The following TAFA5 variants were observed in gnomAD, a reference collection of about 807,000 sequenced individuals.
TAFA5 encodes the protein chemokine-like protein TAFA-5.
A neutral mutation model predicts 15.3 loss-of-function variants in TAFA5; 6 were observed. The ratio of observed to expected loss-of-function variants is 0.39; its 90% CI spans 0.21 to 0.77. TAFA5 has a LOEUF of 0.77. Among genes scored for constraint, TAFA5 ranks in the 30% least tolerant of loss-of-function variants. The probability of loss-of-function intolerance (pLI) is 0.41; values close to 1 mark genes in which losing one functional copy is unlikely to be tolerated. For synonymous variants in TAFA5, 103 were observed against 80.7 expected (o/e 1.28, Z -1.48); for missense variants, 161 against 193.1 (o/e 0.83, Z 0.98).
chr22:48,715,061 C>T (rs1929361899), intron 3 of TAFA5, among the ~76,000 whole-genome samples: 1 of 152,224 alleles, frequency 6.6e-6, no homozygotes, highest in South Asian at 2.1e-4. Context: ...AGATCTTTCA[C>T]TAATCATGCC....
chr22:48,613,916 G>C (rs1377981420), intron 1 of TAFA5, among the ~76,000 whole-genome samples: 7 of 152,226 alleles, frequency 4.6e-5, no homozygotes, highest in South Asian at 2.1e-4. Flanking sequence ...GTGCAGTCTG[G>C]AGATTGGCCG....
chr22:48,655,696 C>T (rs1057046468), intron 2 of TAFA5, among the ~76,000 whole-genome samples: 7 of 152,236 alleles, frequency 4.6e-5, no homozygotes, highest in East Asian at 1.9e-4. Context: ...TTTAGAAATA[C>T]GTGAATGTTC....
At chr22:48,729,860 A>ACAAAGACTT (rs1601703176) in intron 3 of TAFA5, among the ~76,000 whole-genome samples, 1 of 152,006 alleles carries the variant, frequency 6.6e-6, no homozygotes, top group East Asian at 1.9e-4. Flanking sequence ...ATCTCCTTCC[A>ACAAAGACTT]CAAAGACTTT....
chr22:48,619,059 G>C (rs1015475331), intron 1 of TAFA5, among the ~76,000 whole-genome samples: 4 of 152,230 alleles, frequency 2.6e-5, no homozygotes, highest in Non-Finnish European at 5.9e-5. Context: ...CACGTCAGCT[G>C]TTCGGCTTTC....
intron 2 of TAFA5, among the ~76,000 whole-genome samples, chr22:48,659,696 G>A (rs911988676): frequency 6.6e-6 from 1 of 152,242 alleles, no homozygotes; most frequent in African/African-American, 2.4e-5. Flanking sequence ...TGTGCTGGGG[G>A]TGGCAGCAGG....
chr22:48,592,358 CCT>C (rs1208958728), intron 1 of TAFA5, among the ~76,000 whole-genome samples: 1 of 152,208 alleles, frequency 6.6e-6, no homozygotes, highest in Non-Finnish European at 1.5e-5. Context: ...TTCCCCATGC[CCT>C]GTCTGCTGCC....
In TAFA5 at chr22:48,519,312, C is replaced by A. The variant is rs1292065784; in HGVS notation, c.112+29608C>A. ...GAATCCCGCGTCTTCCCTTTGAGGA[C>A]CTTTCACTTTTAATAACTCTGGAGC... On this transcript the variant is annotated intron_variant, in intron 1 of 3. Coordinates refer to ENST00000402357, the MANE Select transcript of TAFA5 (RefSeq NM_001082967.3). Among the ~76,000 whole-genome samples the A allele has an allele frequency of 3.3e-5, 5 of 152,336 alleles. No homozygotes were observed. The South Asian group carries it at 1.0e-3, about 32-fold the overall frequency.
intron 1 of TAFA5, among the ~76,000 whole-genome samples, chr22:48,528,989 G>A (rs964502993): frequency 1.1e-4 from 17 of 152,224 alleles, no homozygotes; most frequent in African/African-American, 4.1e-4. Flanking sequence ...GGCAGGTGGG[G>A]TGCATGGGGC....
chr22:48,540,452 C>G (rs1443592850), intron 1 of TAFA5, among the ~76,000 whole-genome samples: 4 of 152,194 alleles, frequency 2.6e-5, no homozygotes, highest in Non-Finnish European at 5.9e-5. Flanking sequence ...GATTACCCGA[C>G]CTCTCTGCTC....
chr22:48,629,104 C>T (rs557679550), intron 1 of TAFA5, among the ~76,000 whole-genome samples: 9 of 152,300 alleles, frequency 5.9e-5, no homozygotes, highest in African/African-American at 2.2e-4. Context: ...AGGGACCCAC[C>T]AGACGGGTGC....
intron 1 of TAFA5, among the ~76,000 whole-genome samples, chr22:48,619,925 T>C (rs1193488483): frequency 2.0e-5 from 3 of 152,230 alleles, no homozygotes; most frequent in Non-Finnish European, 4.4e-5. Flanking sequence ...CATCCAGTGC[T>C]GAGTCCCGCG....
chr22:48,627,613 G>GA (rs759198343), intron 1 of TAFA5, among the ~76,000 whole-genome samples: 170 of 152,374 alleles, frequency 1.1e-3, no homozygotes, highest in Admixed American at 3.2e-3. Context: ...TAGCAGGATG[G>GA]AAACTGCAGC....
chr22:48,742,099 C>T lies in TAFA5; in HGVS notation c.391-7740C>T, dbSNP rs996301616. Among the ~76,000 whole-genome samples, 1 of 152,144 alleles carries T rather than the reference C, an allele frequency of 6.6e-6. No individual in the cohort carries two copies. ...GCTGGGAGGCTGTGGGAGGTCGGGG[C>T]ACCTGCCAGGCTCTGGAGGGGTCTG... On this transcript the variant is annotated intron_variant, in intron 3 of 3. Coordinates refer to ENST00000402357, the MANE Select transcript of TAFA5 (RefSeq NM_001082967.3). This position sits in a 1 kb window ranked among gnomAD's most constrained non-coding sequence, Gnocchi z 6.2.
intron 2 of TAFA5, among the ~76,000 whole-genome samples, chr22:48,666,159 G>T (rs758745101): frequency 6.6e-6 from 1 of 152,192 alleles, no homozygotes; most frequent in South Asian, 2.1e-4. Context: ...GGGGAGCTGA[G>T]CTGACCCTGC....
chr22:48,499,765 G>A (rs1920942585), intron 1 of TAFA5, among the ~76,000 whole-genome samples: 1 of 152,214 alleles, frequency 6.6e-6, no homozygotes, highest in East Asian at 1.9e-4. Context: ...CCTGTTTCCA[G>A]GGCCGTCTTC....
chr22:48,694,742 A>G (rs1429626605), intron 2 of TAFA5, among the ~76,000 whole-genome samples: 12 of 151,270 alleles, frequency 7.9e-5, no homozygotes, highest in Admixed American at 7.9e-4. Flanking sequence ...GAGCAGCTCC[A>G]AGACCACCAA....
At chr22:48,590,447 G>T (rs1017204761) in intron 1 of TAFA5, among the ~76,000 whole-genome samples, 7 of 152,204 alleles carry the variant, frequency 4.6e-5, no homozygotes, top group Non-Finnish European at 8.8e-5. Context: ...ACGGGCTGAT[G>T]GGAGGTTTCT....
chr22:48,735,695 A>G (rs1463745567), intron 3 of TAFA5, among the ~76,000 whole-genome samples: 2 of 152,122 alleles, frequency 1.3e-5, no homozygotes, highest in Admixed American at 6.5e-5. Context: ...AAAATGATGG[A>G]GTTACCAAGG....
chr22:48,535,714 TCA>T lies in TAFA5; in HGVS notation c.112+46019_112+46020del, dbSNP rs752632892. Among the ~76,000 whole-genome samples the T allele has an allele frequency of 3.3e-4, 49 of 149,890 alleles. 1 individual carries two copies. The highest frequency in any genetic ancestry group is 6.6e-4 in the Admixed American group (10 of 15,160). On this transcript the variant is annotated intron_variant, in intron 1 of 3. Transcript: ENST00000402357. The stretch of plus-strand genomic sequence containing the variant: ...TAGGTGCAAGAATGCTGCACACACA[TCA>T]CACACACAGTCACACCGGCACATCA...
Sources: allele counts gnomAD v4.1 joint callset (sites outside exome capture counted in the v4.1 genomes callset), GRCh38; gene constraint gnomAD v4.1.1; non-coding constraint Gnocchi (gnomAD v3.1); transcripts MANE v1.5; gene names NCBI Gene and HGNC (gene_info 2026-07-23, HGNC 2026-07-21).